SLC24A3: variants seen among roughly 807,000 people sequenced by gnomAD.
The protein encoded by SLC24A3 is sodium/potassium/calcium exchanger 3.
SLC24A3 carries 28 observed loss-of-function variants against 75.8 expected under a neutral mutation model. The observed-to-expected ratio is 0.37, with a 90% CI of 0.27 to 0.51. SLC24A3 has a LOEUF of 0.51. SLC24A3 is among the 20% of genes least tolerant of loss of function. The pLI is 0.94. For missense variants in SLC24A3, 663 were observed against 847.8 expected (o/e 0.78, Z 2.71); for synonymous variants, 372 against 334.1 (o/e 1.11, Z -1.24).
intron 2 of SLC24A3, among the ~76,000 whole-genome samples, chr20:19,440,741 G>A (rs913650144): frequency 6.6e-6 from 1 of 151,284 alleles, no homozygotes; most frequent in Non-Finnish European, 1.5e-5. Flanking sequence ...CAGCTCCAAG[G>A]AAGTGTGTCA....
rs1243846236 is a variant in SLC24A3, at chr20:19,684,251, C to G, written c.977C>G (p.Ser326Cys). The G allele has an allele frequency of 6.2e-7, 1 of 1,614,184 alleles. No homozygotes were observed. Among genetic ancestry groups the G allele is most frequent in the Non-Finnish European group, 8.5e-7 (1 of 1,180,038 alleles). Reference protein sequence around the residue: ...LSAYPHQLSFSEAGLRIMITS... With the variant: ...LSAYPHQLSFCEAGLRIMITS... ...GCCTACCCACACCAGCTTTCCTTCT[C>G]TGAGGCTGGCCTTCGAATCATGATA... The change falls in exon 11 of 17, where the codon TCT (serine) becomes TGT (cysteine). Residue 326 changes from serine (S) to cysteine (C), a missense_variant. This residue lies in a region of SLC24A3 where 510 missense variants were observed against 703.6 expected (regional missense o/e 0.72). Coordinates refer to ENST00000328041, the MANE Select transcript of SLC24A3 (RefSeq NM_020689.4).
rs373714539 is a variant in SLC24A3 at position 19,228,366 on chromosome 20, G to A, written c.142+15382G>A. Among the ~76,000 whole-genome samples the A allele has an allele frequency of 2.1e-3, 318 of 152,256 alleles. 9 individuals are homozygous for A. In the South Asian group the frequency reaches 0.059, roughly 28 times the overall value. ...TATTAGAAAAAAATCAGGGCCGGGCGCGGTGGCTCACGCCTGTAATCCCAG... is the reference window on the plus strand; with the variant it reads ...TATTAGAAAAAAATCAGGGCCGGGCACGGTGGCTCACGCCTGTAATCCCAG... On this transcript the variant is annotated intron_variant, in intron 1 of 16. Coordinates refer to ENST00000328041, the MANE Select transcript of SLC24A3 (RefSeq NM_020689.4).
At chr20:19,678,024 G>T (rs1051469684) in intron 9 of SLC24A3, among the ~76,000 whole-genome samples, 12 of 151,436 alleles carry the variant, frequency 7.9e-5, no homozygotes, top group African/African-American at 2.9e-4. Flanking sequence ...GGGTTGGGGG[G>T]TAAGGTCACA....
intron 2 of SLC24A3, among the ~76,000 whole-genome samples, chr20:19,511,575 C>A (rs1169356035): frequency 6.6e-6 from 1 of 152,190 alleles, no homozygotes; most frequent in Non-Finnish European, 1.5e-5. Context: ...GATCCGCCCA[C>A]ATCGGCCTCC....
chr20:19,630,832 C>T (rs1203595282), intron 6 of SLC24A3, among the ~76,000 whole-genome samples: 1 of 152,148 alleles, frequency 6.6e-6, no homozygotes, highest in African/African-American at 2.4e-5. Context: ...TACCCTAGGA[C>T]CAGAACAGCA....
intron 2 of SLC24A3, among the ~76,000 whole-genome samples, chr20:19,342,846 G>A (rs796188323): frequency 1.7e-4 from 26 of 152,204 alleles, no homozygotes; most frequent in African/African-American, 6.0e-4. Flanking sequence ...TGAGGCAGGA[G>A]GATCACGAGG....
intron 3 of SLC24A3, among the ~76,000 whole-genome samples, chr20:19,528,780 A>G (rs2030243476): frequency 6.6e-6 from 1 of 152,154 alleles, no homozygotes; most frequent in African/African-American, 2.4e-5. Context: ...ACTGTGGACC[A>G]CAGGAATTAG....
intron 3 of SLC24A3, among the ~76,000 whole-genome samples, chr20:19,572,922 A>G (rs565217757): frequency 7.2e-5 from 11 of 152,310 alleles, no homozygotes; most frequent in African/African-American, 2.6e-4. Flanking sequence ...AAGCTTAATT[A>G]TATGTGATCA....
intron 1 of SLC24A3, among the ~76,000 whole-genome samples, chr20:19,258,202 G>C (rs1018378763): frequency 5.3e-5 from 8 of 152,140 alleles, no homozygotes; most frequent in African/African-American, 1.9e-4. Flanking sequence ...TCCTGGAGGC[G>C]GGCACCTTTG....
chr20:19,411,653 A>G (rs1195729289), intron 2 of SLC24A3, among the ~76,000 whole-genome samples: 2 of 152,240 alleles, frequency 1.3e-5, no homozygotes, highest in Non-Finnish European at 2.9e-5. Context: ...GCAACAGGGT[A>G]TCACTTGGAG....
At chr20:19,440,507 AC>A (rs1987278987) in intron 2 of SLC24A3, among the ~76,000 whole-genome samples, 1 of 152,194 alleles carries the variant, frequency 6.6e-6, no homozygotes, top group South Asian at 2.1e-4. Flanking sequence ...ACTACCTTTG[AC>A]CTATATACCT....
intron 1 of SLC24A3, among the ~76,000 whole-genome samples, chr20:19,213,845 G>A (rs761016916): frequency 5.3e-5 from 8 of 152,192 alleles, no homozygotes; most frequent in Non-Finnish European, 8.8e-5. Context: ...GGAAAAACAT[G>A]GGAGAATAAC....
chr20:19,584,234 C>A (rs2031261914), intron 4 of SLC24A3, among the ~76,000 whole-genome samples: 1 of 152,190 alleles, frequency 6.6e-6, no homozygotes, highest in South Asian at 2.1e-4. Context: ...ATTGTATAAA[C>A]CCCGTCTTGG....
chr20:19,398,862 T>G (rs766508820), intron 2 of SLC24A3, among the ~76,000 whole-genome samples: 2 of 152,170 alleles, frequency 1.3e-5, no homozygotes, highest in Non-Finnish European at 2.9e-5. Flanking sequence ...GCTAGACAAG[T>G]TTTGTGTGCA....
intron 2 of SLC24A3, among the ~76,000 whole-genome samples, chr20:19,296,541 A>C (rs952797505): frequency 1.3e-5 from 2 of 152,182 alleles, no homozygotes; most frequent in Admixed American, 6.5e-5. Context: ...ATTCAACAAG[A>C]AGAGCTAACT....
intron 2 of SLC24A3, among the ~76,000 whole-genome samples, chr20:19,299,831 TG>T (rs1274632662): frequency 6.6e-6 from 1 of 152,218 alleles, no homozygotes; most frequent in Admixed American, 6.5e-5. Context: ...CACAGGCAAC[TG>T]GTTAATCCCT....
intron 6 of SLC24A3, among the ~76,000 whole-genome samples, chr20:19,629,434 T>A (rs570802665): frequency 2.0e-5 from 3 of 152,116 alleles, no homozygotes; most frequent in Non-Finnish European, 4.4e-5. Context: ...AGTGGACCAA[T>A]GTACACATCA....
intron 6 of SLC24A3, among the ~76,000 whole-genome samples, chr20:19,613,974 C>G (rs1165794157): frequency 6.6e-6 from 1 of 152,226 alleles, no homozygotes; most frequent in Non-Finnish European, 1.5e-5. Context: ...CTGGCGCAGA[C>G]TGTTGACATC....
chr20:19,502,957 T>C (rs985713307), intron 2 of SLC24A3, among the ~76,000 whole-genome samples: 22 of 149,586 alleles, frequency 1.5e-4, no homozygotes, highest in Non-Finnish European at 5.9e-5. Context: ...AGCCCAGGAG[T>C]TGGAGGCTGC....
Sources: gnomAD v4.1 joint callset for allele counts (sites outside exome capture counted in the v4.1 genomes callset) on GRCh38, gnomAD v4.1.1 for gene constraint, gnomAD v4.1.1 regional missense constraint, MANE v1.5 for transcripts, NCBI Gene and HGNC (gene_info 2026-07-23, HGNC 2026-07-21) for gene names.